The following FAM184B variants were observed in gnomAD, a reference collection of about 807,000 sequenced individuals.
FAM184B encodes the protein protein FAM184B.
In FAM184B, 111 loss-of-function variants were observed where a neutral mutation model predicts 135.9. That is an observed-to-expected ratio of 0.82 (90% CI 0.70 to 0.96). FAM184B has a LOEUF of 0.96. Ranked by LOEUF, FAM184B falls within the 40% of genes least tolerant of loss-of-function variation. The probability of loss-of-function intolerance (pLI) is 0.00; values close to 1 mark genes in which losing one functional copy is unlikely to be tolerated. For synonymous variants in FAM184B, 552 were observed against 524.8 expected (o/e 1.05, Z -0.71); for missense variants, 1,375 against 1,323.9 (o/e 1.04, Z -0.60).
At chr4:17,641,941 G>A (rs1715329351) in intron 13 of FAM184B, 115 bp downstream of exon 13, 2 of 1,392,536 alleles carry the variant, frequency 1.4e-6, no homozygotes, top group Non-Finnish European at 1.9e-6. Context: ...GGGGCAGGAT[G>A]CCGAGGCAGT....
chr4:17,693,517 C>A, intron 5 of FAM184B, 105 bp from the exon 6 acceptor site: 2 of 798,938 alleles, frequency 2.5e-6, no homozygotes, highest in South Asian at 3.3e-5. Context: ...TTATGAGTGT[C>A]ATACAACACT....
At chr4:17,744,482 CACACACACCACA>C (rs1171107489) in intron 1 of FAM184B, among the ~76,000 whole-genome samples, 4 of 143,508 alleles carry the variant, frequency 2.8e-5, no homozygotes, top group African/African-American at 1.1e-4. Flanking sequence ...CACACACACA[CACACACACCACA>C]CACACACACA....
At chr4:17,641,139 G>T (rs930062326) in intron 13 of FAM184B, among the ~76,000 whole-genome samples, 1 of 152,076 alleles carries the variant, frequency 6.6e-6, no homozygotes, top group Non-Finnish European at 1.5e-5. Flanking sequence ...TCACTATGTT[G>T]CCCAGGCTGG....
intron 1 of FAM184B, among the ~76,000 whole-genome samples, chr4:17,754,918 G>A (rs1718385937): frequency 6.6e-6 from 1 of 151,750 alleles, no homozygotes; most frequent in South Asian, 2.1e-4. Context: ...CTGTCACCCA[G>A]GCCGCAGTGC....
rs1211402391 is a variant in FAM184B at position 17,631,041 on chromosome 4, A to T, written c.*1491T>A. On this transcript the variant is annotated 3_prime_UTR_variant, in exon 18 of 18. Coordinates refer to ENST00000265018, the MANE Select transcript of FAM184B (RefSeq NM_015688.2). ...TAAAAGTTGTTATTGAGTCTTGTCA[A>T]ATCACATTGCTCTGTCAGAAGGTAA... 6.6e-6 allele frequency: 1 copy of T among 152,196 alleles called. No homozygotes were observed. Among genetic ancestry groups the T allele is most frequent in the South Asian group, 2.1e-4 (1 of 4,834 alleles). 9.4% of individuals were successfully genotyped at this position (152,196 alleles called of 1,614,324 possible). A position where few individuals can be genotyped will look rare whatever the true frequency, so the allele number is the denominator to read the frequency against.
At chr4:17,704,100 C>T (rs1172455532) in intron 5 of FAM184B, among the ~76,000 whole-genome samples, 2 of 152,124 alleles carry the variant, frequency 1.3e-5, no homozygotes, top group Non-Finnish European at 2.9e-5. Context: ...CTCGTAACCC[C>T]CACACAACAG....
intron 7 of FAM184B, among the ~76,000 whole-genome samples, chr4:17,671,572 T>G (rs1362941346): frequency 6.6e-6 from 1 of 152,044 alleles, no homozygotes; most frequent in Non-Finnish European, 1.5e-5. Flanking sequence ...AGGTGATTGC[T>G]TTGTCTAATG....
At chr4:17,648,716 G>A (rs2108934943) in intron 11 of FAM184B, among the ~76,000 whole-genome samples, 1 of 152,130 alleles carries the variant, frequency 6.6e-6, no homozygotes, top group Middle Eastern at 3.4e-3. Flanking sequence ...GGTCTTGGCT[G>A]GATCATGGAG....
chr4:17,744,804 T>C (rs1429136699), intron 1 of FAM184B, among the ~76,000 whole-genome samples: 4 of 152,040 alleles, frequency 2.6e-5, no homozygotes, highest in Non-Finnish European at 4.4e-5. Context: ...AAAAAGATAA[T>C]GTCTTTCTCC....
At chr4:17,697,927 T>C (rs1475725681) in intron 5 of FAM184B, among the ~76,000 whole-genome samples, 5 of 152,170 alleles carry the variant, frequency 3.3e-5, no homozygotes, top group African/African-American at 1.2e-4. Flanking sequence ...AAGCTTCATG[T>C]TGGGTGCAAA....
rs148532621 is a variant in FAM184B, at chr4:17,733,903, G to T, written c.142-24259C>A. Reference sequence around the variant, plus strand: ...CTAAGCCAAAAGAACAAAGCTGGAGGCATCACGCTACCTGACTTACCAAAC... The same window carrying T: ...CTAAGCCAAAAGAACAAAGCTGGAGTCATCACGCTACCTGACTTACCAAAC... On this transcript the variant is annotated intron_variant, in intron 1 of 17. Transcript: ENST00000265018. Among the ~76,000 whole-genome samples, 182 of 152,256 alleles carry T rather than the reference G, an allele frequency of 1.2e-3. 1 individual carries two copies. Among genetic ancestry groups the T allele is most frequent in the African/African-American group, 4.2e-3 (174 of 41,530 alleles).
chr4:17,705,872 T>A lies in FAM184B; in HGVS notation c.1050A>T (p.Leu350Phe), dbSNP rs1426613600. Residue 350 changes from leucine to phenylalanine, a missense_variant, in exon 4 of 18, where the codon TTA becomes TTT. Transcript: ENST00000265018. ...CCCGCAGGACTTTGTTCTCTGAAAC[T>A]AACTCAGTCTTCATGGCATCTGCAA... ...TQQTDAMKTE[L>F]VSENKVLREE... The A allele has an allele frequency of 6.4e-7, 1 of 1,552,294 alleles. No homozygotes were observed.
At chr4:17,765,230 G>C (rs1157238761) in intron 1 of FAM184B, among the ~76,000 whole-genome samples, 3 of 152,150 alleles carry the variant, frequency 2.0e-5, no homozygotes, top group African/African-American at 4.8e-5. Flanking sequence ...TTGTCTATCA[G>C]ATTGTCTTTT....
At chr4:17,652,548 G>A (rs957101017) in intron 11 of FAM184B, among the ~76,000 whole-genome samples, 1 of 152,208 alleles carries the variant, frequency 6.6e-6, no homozygotes, top group Non-Finnish European at 1.5e-5. Flanking sequence ...CAGCTAGTTG[G>A]TGGCAGAGCC....
Position 17,635,005 on chromosome 4 carries a change from T to A in FAM184B, c.2889+4A>T. 6.5e-7 allele frequency: 1 copy of A among 1,549,186 alleles called. No individual in the cohort carries two copies. ...ATGCATTAAAACCATTAGAACCAAT[T>A]TACCTTCATGGAAGGGGTCAAATAT... is the stretch of plus-strand genomic sequence containing the variant. On this transcript the variant is annotated splice_donor_region_variant and intron_variant, in intron 16 of 17. Transcript: ENST00000265018.
intron 11 of FAM184B, 143 bp from the exon 12 acceptor site, chr4:17,647,934 C>T (rs1715513518): frequency 1.1e-6 from 1 of 900,984 alleles, no homozygotes; most frequent in East Asian, 2.7e-5. Flanking sequence ...CAAACCTTTT[C>T]CAAGGTAACA....
At chr4:17,733,314 A>G in intron 1 of FAM184B, among the ~76,000 whole-genome samples, 1 of 152,198 alleles carries the variant, frequency 6.6e-6, no homozygotes, top group Non-Finnish European at 1.5e-5. Context: ...ACTATTCAAC[A>G]TAGTGTTGGA....
chr4:17,650,310 G>C (rs1715580448), intron 11 of FAM184B, among the ~76,000 whole-genome samples: 1 of 151,634 alleles, frequency 6.6e-6, no homozygotes. Context: ...ACAGATATAA[G>C]AAGAAGAATA....
In FAM184B at chr4:17,633,611, G is replaced by A. The variant is rs1037931370; in HGVS notation, c.3089+78C>T. 13 of 1,289,360 alleles carry A rather than the reference G, an allele frequency of 1.0e-5. No individual in the cohort carries two copies. In the African/African-American group the frequency reaches 1.8e-4, roughly 18 times the overall value. 79.9% of individuals were successfully genotyped at this position (1,289,360 alleles called of 1,614,324 possible). A position where few individuals can be genotyped will look rare whatever the true frequency, so the allele number is the denominator to read the frequency against. On this transcript the variant is annotated intron_variant, in intron 17 of 17. Coordinates refer to ENST00000265018, the MANE Select transcript of FAM184B (RefSeq NM_015688.2). ...AAGGCCTTCTGGAATTTGGTACCAG[G>A]TGCTAGAAAGAATCCTACTTCCCCT...
Sources: allele counts gnomAD v4.1 joint callset (sites outside exome capture counted in the v4.1 genomes callset), GRCh38; gene constraint gnomAD v4.1.1; transcripts MANE v1.5; gene names NCBI Gene and HGNC (gene_info 2026-07-23, HGNC 2026-07-21).